The following TOLLIP variants were observed in gnomAD, a reference collection of about 807,000 sequenced individuals.
TOLLIP encodes the protein toll interacting protein.
In TOLLIP, 16 loss-of-function variants were observed where a neutral mutation model predicts 33.5. The ratio of observed to expected loss-of-function variants is 0.48; its 90% confidence interval spans 0.32 to 0.72. TOLLIP has a LOEUF of 0.72. TOLLIP is among the 30% of genes least tolerant of loss of function. The pLI is 0.03. For synonymous variants in TOLLIP, 176 were observed against 163.7 expected, an observed-to-expected ratio of 1.07 and a Z score of -0.57; for missense variants, 325 against 396.6, an observed-to-expected ratio of 0.82 and a Z score of 1.53.
At chr11:1,306,455 C>T (rs1048676053) in intron 1 of TOLLIP, among the ~76,000 whole-genome samples, 3 of 152,112 alleles carry the variant, frequency 2.0e-5, no homozygotes, top group South Asian at 2.1e-4. Context: ...GTCCTGCCCC[C>T]GGACCCTGGG....
chr11:1,279,980 C>G (rs1483630176), intron 5 of TOLLIP, among the ~76,000 whole-genome samples: 1 of 152,186 alleles, frequency 6.6e-6, no homozygotes, highest in African/African-American at 2.4e-5. Flanking sequence ...CCGGAACTCC[C>G]AAGGCTTGTT....
Position 1,278,809 on chromosome 11 carries a change from T to C in TOLLIP, c.611-1556A>G, listed in dbSNP as rs1461883341. Among the ~76,000 whole-genome samples the C allele has an allele frequency of 2.0e-5, 3 of 152,180 alleles. No homozygotes were observed. Among genetic ancestry groups the C allele is most frequent in the African/African-American group, 4.8e-5 (2 of 41,440 alleles). On this transcript the variant is annotated intron_variant, in intron 5 of 5. Coordinates refer to ENST00000317204, the MANE Select transcript of TOLLIP (RefSeq NM_019009.4). The surrounding 1 kb of genome is among the most constrained non-coding windows in gnomAD (Gnocchi z 4.7). ...CGTGGCCACCCTCACCACCCTTTCT[T>C]CTTCCTCAAACAAGACAAAGGCTTG...
intron 1 of TOLLIP, chr11:1,306,316 AC>A (rs1441014926): frequency 1.3e-5 from 2 of 152,072 alleles, no homozygotes; most frequent in Non-Finnish European, 2.9e-5. Flanking sequence ...CTACCCAAGG[AC>A]AAAAGAACCC....
In TOLLIP at chr11:1,295,689, C is replaced by T. The variant is rs1188761194; in HGVS notation, c.139G>A (p.Gly47Ser). The T allele has an allele frequency of 6.2e-7, 1 of 1,610,796 alleles. No homozygotes were observed. The highest frequency in any genetic ancestry group is 8.5e-7 in the Non-Finnish European group (1 of 1,178,428). ...AQAAQQLQYGGAVGTVGRLNI... is the reference protein window; with the variant it reads ...AQAAQQLQYGSAVGTVGRLNI... ...AGTCGGCCCACGGTGCCCACTGCGC[C>T]TCCGTACTGCAGCTGCTGGGCCGCC... The change falls in exon 2 of 6, where the codon GGC (glycine) becomes AGC (serine). Residue 47 changes from glycine to serine, a missense_variant. Gly to Ser is a moderately conservative substitution (Grantham distance 56). Transcript: ENST00000317204.
chr11:1,277,841 C>G lies in TOLLIP; in HGVS notation c.611-588G>C, dbSNP rs185092938. ...ACCTCAGCAAAGCTGCAGCCGATGC[C>G]CAGAATGACAACCCCACACACACAT... On this transcript the variant is annotated intron_variant, in intron 5 of 5. Transcript: ENST00000317204. This position sits in a 1 kb window ranked among gnomAD's most constrained non-coding sequence, Gnocchi z 4.2. Among the ~76,000 whole-genome samples, 1 of 152,148 alleles carries G rather than the reference C, an allele frequency of 6.6e-6. No homozygotes were observed. The highest frequency in any genetic ancestry group is 1.5e-5 in the Non-Finnish European group (1 of 68,038).
chr11:1,282,657 G>A (rs1863540820), intron 5 of TOLLIP, among the ~76,000 whole-genome samples: 1 of 140,876 alleles, frequency 7.1e-6, no homozygotes, highest in Non-Finnish European at 1.5e-5. Context: ...ATAGGAAATT[G>A]TTTAGGAGAA....
chr11:1,306,390 C>T (rs1488892968), intron 1 of TOLLIP, among the ~76,000 whole-genome samples: 5 of 152,070 alleles, frequency 3.3e-5, no homozygotes, highest in African/African-American at 9.7e-5. Flanking sequence ...GCCGTCTCCC[C>T]TTATCACTAG....
At position 1,290,067 on chromosome 11, in the gene TOLLIP, C is replaced by T; in HGVS notation, c.366+160G>A. On this transcript the variant is annotated intron_variant, in intron 3 of 5. Coordinates refer to ENST00000317204, the MANE Select transcript of TOLLIP (RefSeq NM_019009.4). The surrounding 1 kb of genome is among the most constrained non-coding windows in gnomAD (Gnocchi z 4.9). ...TGGAAACAATCCCTTTTTCACATTC[C>T]TTGGGGAGAGCAGGACCCTGTCATG... 3.1e-6 allele frequency: 2 copies of T among 649,766 alleles called. No homozygotes were observed. The highest frequency in any genetic ancestry group is 5.3e-6 in the Non-Finnish European group (2 of 378,922). The allele number at this position is 649,766 out of a possible 1,614,324, so 40.3% of individuals were successfully genotyped here. A position where few individuals can be genotyped will look rare whatever the true frequency, so the allele number is the denominator to read the frequency against.
chr11:1,285,772 G>GAAA (rs569493569), intron 5 of TOLLIP, among the ~76,000 whole-genome samples: 1 of 83,458 alleles, frequency 1.2e-5, no homozygotes, highest in Non-Finnish European at 2.6e-5. Flanking sequence ...CCAACAATTA[G>GAAA]AAAAAAAAAA....
At chr11:1,292,187 T>A (rs1161525740) in intron 2 of TOLLIP, 1 of 152,184 alleles carries the variant, frequency 6.6e-6, no homozygotes, top group Non-Finnish European at 1.5e-5. Flanking sequence ...CACCCACACA[T>A]CTGCTAGATC....
chr11:1,298,933 G>C (rs185541383), intron 1 of TOLLIP, among the ~76,000 whole-genome samples: 2 of 152,222 alleles, frequency 1.3e-5, no homozygotes, highest in African/African-American at 4.8e-5. Flanking sequence ...CCTGAGAGAC[G>C]GTCCCAGATT....
chr11:1,299,928 G>A (rs1864217937), intron 1 of TOLLIP, among the ~76,000 whole-genome samples: 1 of 152,230 alleles, frequency 6.6e-6, no homozygotes, highest in South Asian at 2.1e-4. Flanking sequence ...GGGGACGGAG[G>A]CGGAGGCGGA....
At chr11:1,288,506 G>A (rs1863820989) in intron 4 of TOLLIP, 118 bp downstream of exon 4, 20 of 1,272,458 alleles carry the variant, frequency 1.6e-5, no homozygotes, top group Admixed American at 2.5e-5. Flanking sequence ...CGTGAGCCCT[G>A]CTGTTTTATG....
At position 1,277,838 on chromosome 11, in the gene TOLLIP, T is replaced by C. The variant is rs1175310231; in HGVS notation, c.611-585A>G. On this transcript the variant is annotated intron_variant, in intron 5 of 5. Transcript: ENST00000317204. The surrounding 1 kb of genome is among the most constrained non-coding windows in gnomAD (Gnocchi z 4.2). ...AAGACCTCAGCAAAGCTGCAGCCGATGCCCAGAATGACAACCCCACACACA... is the reference window on the plus strand; with the variant it reads ...AAGACCTCAGCAAAGCTGCAGCCGACGCCCAGAATGACAACCCCACACACA... Among the ~76,000 whole-genome samples the C allele has an allele frequency of 6.6e-6, 1 of 152,148 alleles. No homozygotes were observed. The highest frequency in any genetic ancestry group is 1.5e-5 in the Non-Finnish European group (1 of 68,020).
rs147049561 is a variant in TOLLIP, at chr11:1,290,323, C to T, written c.270G>A (p.Thr90=). ...RLGYAVYETP[T]AHNGAKNPRW... is the part of the protein sequence containing the mutation. ...GGGGATTCTTGGCGCCATTGTGTGC[C>T]GTGGGCGTCTCGTACACCGCGTAGC... The change falls in exon 3 of 6, where the codon ACG becomes ACA. Residue 90 remains threonine, a synonymous_variant. Coordinates refer to ENST00000317204, the MANE Select transcript of TOLLIP (RefSeq NM_019009.4). This position sits in a 1 kb window ranked among gnomAD's most constrained non-coding sequence, Gnocchi z 4.9. 5.8e-5 allele frequency: 93 copies of T among 1,613,460 alleles called. No individual in the cohort carries two copies. In the African/African-American group the frequency reaches 7.2e-4, roughly 13 times the overall value.
intron 1 of TOLLIP, 62 bp downstream of exon 1, chr11:1,309,404 C>T: frequency 1.9e-6 from 2 of 1,047,952 alleles, no homozygotes; most frequent in Non-Finnish European, 2.5e-6. Flanking sequence ...TAGCCCTGAC[C>T]CAAGGCCCCG....
Position 1,277,908 on chromosome 11 carries a change from G to C in TOLLIP, c.611-655C>G, listed in dbSNP as rs140514207. On this transcript the variant is annotated intron_variant, in intron 5 of 5. Transcript: ENST00000317204. This position sits in a 1 kb window ranked among gnomAD's most constrained non-coding sequence, Gnocchi z 4.2. ...AAATGCTCACAAAACTCAAACAAGT[G>C]GGGCAGCAGGTGCGGTGTACAGTGG... Among the ~76,000 whole-genome samples, 334 of 152,274 alleles carry C rather than the reference G, an allele frequency of 2.2e-3. 5 individuals carry two copies. Among genetic ancestry groups the C allele is most frequent in the African/African-American group, 7.6e-3 (317 of 41,538 alleles).
chr11:1,274,498 A>G lies in TOLLIP; in HGVS notation c.*2541T>C, dbSNP rs1863218715. On this transcript the variant is annotated 3_prime_UTR_variant, in exon 6 of 6. Transcript: ENST00000317204. ...CTGGACAATGGACCCCAGTAAAATA[A>G]TCAGAAGCGCACGTTCTGAGACCAC... is the stretch of plus-strand genomic sequence containing the variant. 2 of 152,228 alleles carry G rather than the reference A, an allele frequency of 1.3e-5. No individual in the cohort carries two copies. The highest frequency in any genetic ancestry group is 1.5e-5 in the Non-Finnish European group (1 of 68,030). The allele number at this position is 152,228 out of a possible 1,614,324, so 9.4% of individuals were successfully genotyped here.
intron 2 of TOLLIP, among the ~76,000 whole-genome samples, chr11:1,292,865 G>C (rs1260262993): frequency 6.6e-6 from 1 of 152,282 alleles, no homozygotes; most frequent in South Asian, 2.1e-4. Flanking sequence ...CGGGCTGCAG[G>C]ATCTGGAGGA....
Sources: allele counts gnomAD v4.1 joint callset (sites outside exome capture counted in the v4.1 genomes callset), GRCh38; gene constraint gnomAD v4.1.1; non-coding constraint Gnocchi (gnomAD v3.1); transcripts MANE v1.5; gene names NCBI Gene and HGNC (gene_info 2026-07-23, HGNC 2026-07-21).